The following SMAD3 variants were observed in gnomAD, a reference collection of about 807,000 sequenced individuals.
SMAD3 encodes the protein SMAD family member 3.
A neutral mutation model predicts 51.8 loss-of-function variants in SMAD3; 12 were observed. The ratio of observed to expected loss-of-function variants is 0.23; its 90% CI spans 0.15 to 0.38. The LOEUF (loss-of-function observed/expected upper bound fraction) is 0.38, where lower values mean the gene tolerates loss of function less well. Among genes scored for constraint, SMAD3 ranks in the 10% least tolerant of loss-of-function variants. The probability of loss-of-function intolerance (pLI) is 1.00; values close to 1 mark genes in which losing one functional copy is unlikely to be tolerated. For synonymous variants in SMAD3, 238 were observed against 227.7 expected (o/e 1.05, Z -0.41); for missense variants, 294 against 565.6 (o/e 0.52, Z 4.87).
chr15:67,080,715 T>C (rs910714051), intron 1 of SMAD3, among the ~76,000 whole-genome samples: 4 of 152,256 alleles, frequency 2.6e-5, no homozygotes, highest in Admixed American at 2.0e-4. Context: ...ATGCCTTTTC[T>C]TTCTCTTTGA....
At chr15:67,150,361 AT>A (rs1962096636) in intron 1 of SMAD3, among the ~76,000 whole-genome samples, 2 of 152,230 alleles carry the variant, frequency 1.3e-5, no homozygotes, top group African/African-American at 2.4e-5. Flanking sequence ...CCCGCCTGAC[AT>A]TTTCTCTAAG....
At chr15:67,185,536 G>A (rs1480764682) in intron 7 of SMAD3, among the ~76,000 whole-genome samples, 1 of 152,146 alleles carries the variant, frequency 6.6e-6, no homozygotes, top group African/African-American at 2.4e-5. Flanking sequence ...GACCGTCAGG[G>A]GAAATGTTTC....
intron 1 of SMAD3, among the ~76,000 whole-genome samples, chr15:67,128,456 A>G (rs867166480): frequency 1.1e-4 from 16 of 152,220 alleles, no homozygotes; most frequent in Middle Eastern, 3.4e-3. Context: ...GGATTAAAAG[A>G]GCTGGTGTGT....
chr15:67,088,796 G>A (rs943730706), intron 1 of SMAD3, among the ~76,000 whole-genome samples: 1 of 152,068 alleles, frequency 6.6e-6, no homozygotes, highest in African/African-American at 2.4e-5. Flanking sequence ...GTGTGGTGGC[G>A]GGTGCCTGTA....
At chr15:67,166,904 G>C in intron 4 of SMAD3, 51 bp downstream of exon 4, 3 of 1,418,148 alleles carry the variant, frequency 2.1e-6, no homozygotes, top group Non-Finnish European at 2.9e-6. Context: ...GCAGCTGGTG[G>C]GTTCATCCCT....
intron 1 of SMAD3, among the ~76,000 whole-genome samples, chr15:67,127,019 C>T (rs1004026670): frequency 1.3e-5 from 2 of 152,134 alleles, no homozygotes; most frequent in South Asian, 2.1e-4. Context: ...GTAGGGTCAT[C>T]GTGGTGGTCA....
At chr15:67,102,986 C>A (rs1024701291) in intron 1 of SMAD3, among the ~76,000 whole-genome samples, 1 of 152,192 alleles carries the variant, frequency 6.6e-6, no homozygotes, top group African/African-American at 2.4e-5. Flanking sequence ...GGTCCCATCT[C>A]CTTAGTCTTA....
chr15:67,187,744 C>T (rs1213888477), intron 8 of SMAD3, among the ~76,000 whole-genome samples: 2 of 152,250 alleles, frequency 1.3e-5, no homozygotes, highest in Non-Finnish European at 2.9e-5. Flanking sequence ...ACTGTAAACA[C>T]ACGCTCCATC....
At chr15:67,169,469 G>A (rs112660368) in intron 4 of SMAD3, among the ~76,000 whole-genome samples, 1 of 152,026 alleles carries the variant, frequency 6.6e-6, no homozygotes, top group South Asian at 2.1e-4. Flanking sequence ...CCCATAGGGT[G>A]GTTAACAAAT....
chr15:67,138,120 A>G, intron 1 of SMAD3: 1 of 1,541,496 alleles, frequency 6.5e-7, no homozygotes. Context: ...CCGTGCCGGG[A>G]CATGTCTTTT....
At chr15:67,162,957 GAT>G (rs1962470377) in intron 1 of SMAD3, among the ~76,000 whole-genome samples, 1 of 150,500 alleles carries the variant, frequency 6.6e-6, no homozygotes, top group Non-Finnish European at 1.5e-5. Flanking sequence ...TGATGATGAT[GAT>G]GATGATGATG....
chr15:67,177,971 G>A (rs1375916166), intron 5 of SMAD3, among the ~76,000 whole-genome samples: 1 of 152,204 alleles, frequency 6.6e-6, no homozygotes, highest in African/African-American at 2.4e-5. Flanking sequence ...ACACAGGGCA[G>A]CTTGTCCAAA....
intron 7 of SMAD3, among the ~76,000 whole-genome samples, chr15:67,185,387 C>T (rs1963197132): frequency 6.6e-6 from 1 of 152,114 alleles, no homozygotes; most frequent in Non-Finnish European, 1.5e-5. Context: ...GGAGAAACAT[C>T]CGGATCCTGA....
intron 1 of SMAD3, among the ~76,000 whole-genome samples, chr15:67,151,931 A>G (rs146058399): frequency 1.4e-4 from 22 of 152,278 alleles, no homozygotes; most frequent in African/African-American, 5.3e-4. Flanking sequence ...TATGTAATAT[A>G]TGATTATACA....
At chr15:67,176,769 A>C (rs563209228) in intron 5 of SMAD3, among the ~76,000 whole-genome samples, 1 of 152,202 alleles carries the variant, frequency 6.6e-6, no homozygotes, top group Non-Finnish European at 1.5e-5. Context: ...TCTGGCCGAC[A>C]CCACACTGGT....
intron 1 of SMAD3, among the ~76,000 whole-genome samples, chr15:67,106,733 C>T (rs1336964286): frequency 6.6e-6 from 1 of 152,192 alleles, no homozygotes; most frequent in African/African-American, 2.4e-5. Flanking sequence ...CTGTCCCCTG[C>T]TCTCCGTTAC....
At chr15:67,186,918 C>T (rs564074784) in intron 7 of SMAD3, 13 of 365,778 alleles carry the variant, frequency 3.6e-5, no homozygotes, top group South Asian at 6.1e-5. Flanking sequence ...TGCTGTGGAA[C>T]GGCCAGAGCT....
At chr15:67,166,081 G>A (rs1482891598) in intron 3 of SMAD3, 2 of 698,642 alleles carry the variant, frequency 2.9e-6, no homozygotes, top group Non-Finnish European at 1.8e-6. Flanking sequence ...TCCTGGGTTA[G>A]TTTACTGGGC....
chr15:67,137,394 C>A (rs1305878637), intron 1 of SMAD3, among the ~76,000 whole-genome samples: 1 of 152,158 alleles, frequency 6.6e-6, no homozygotes, highest in Non-Finnish European at 1.5e-5. Flanking sequence ...AGGATCACTA[C>A]CTTCCCATGT....
Sources: gnomAD v4.1 joint callset for allele counts (sites outside exome capture counted in the v4.1 genomes callset) on GRCh38, gnomAD v4.1.1 for gene constraint, MANE v1.5 for transcripts, NCBI Gene and HGNC (gene_info 2026-07-23, HGNC 2026-07-21) for gene names.